DUSP8: variants seen among roughly 807,000 people sequenced by gnomAD.
The protein encoded by DUSP8 is dual specificity protein phosphatase 8.
DUSP8 carries 15 observed loss-of-function variants against 38.7 expected under a neutral mutation model. The observed-to-expected ratio is 0.39, with a 90% CI of 0.26 to 0.60. The LOEUF (loss-of-function observed/expected upper bound fraction) is 0.60. DUSP8 is among the 20% of genes least tolerant of loss of function. The pLI is 0.56. For synonymous variants in DUSP8, 458 were observed against 433.9 expected (o/e 1.06, Z -0.69); for missense variants, 768 against 915.0 (o/e 0.84, Z 2.07).
chr11:1,554,827 T>G lies in DUSP8; in HGVS notation c.*1691A>C, dbSNP rs148749783. The G allele has an allele frequency of 1.6e-6, 1 of 617,814 alleles. No homozygotes were observed. The allele number at this position is 617,814 out of a possible 1,614,324, so 38.3% of individuals were successfully genotyped here. A position where few individuals can be genotyped will look rare whatever the true frequency, so the allele number is the denominator to read the frequency against. On this transcript the variant is annotated 3_prime_UTR_variant, in exon 7 of 7. Transcript: ENST00000397374. ...TAATTAACCAATAATAATAAATACT[T>G]AAACCTCTAATCCATAGATTGCAAA...
chr11:1,557,916 A>G lies in DUSP8; in HGVS notation c.699T>C (p.Asp233=). 1.2e-6 allele frequency: 2 copies of G among 1,613,844 alleles called. No homozygotes were observed. Among genetic ancestry groups the G allele is most frequent in the Non-Finnish European group, 1.7e-6 (2 of 1,179,998 alleles). Residue 233 remains aspartate, a splice_region_variant and synonymous_variant, in exon 6 of 7, where the codon GAT becomes GAC. Coordinates refer to ENST00000397374, the MANE Select transcript of DUSP8 (RefSeq NM_004420.3). The surrounding 1 kb of genome is among the most constrained non-coding windows in gnomAD (Gnocchi z 9.9). ...PWLDKSIEFI[D]KAKLSSCQVI... ...CTTGGCAGCTGGAGAGCTTGGCTTT[A>G]TCTGGGCAGGTGGGCCATGGGGGCC...
In DUSP8 at chr11:1,557,754, A is replaced by G. The variant is rs776448506; in HGVS notation, c.821+40T>C. On this transcript the variant is annotated intron_variant, in intron 6 of 6. Coordinates refer to ENST00000397374, the MANE Select transcript of DUSP8 (RefSeq NM_004420.3). The surrounding 1 kb of genome is among the most constrained non-coding windows in gnomAD (Gnocchi z 9.9). Reference sequence around the variant, plus strand: ...GTGGGCAGCCGGGGGAAGGGAAGCGACGCTGTGAGCCACAAGTGCGCGACT... The same window carrying G: ...GTGGGCAGCCGGGGGAAGGGAAGCGGCGCTGTGAGCCACAAGTGCGCGACT... The G allele has an allele frequency of 6.2e-7, 1 of 1,610,844 alleles. No homozygotes were observed. The highest frequency in any genetic ancestry group is 1.1e-5 in the South Asian group (1 of 90,918).
In DUSP8 at chr11:1,567,794, C is replaced by T. The variant is rs531394027; in HGVS notation, c.-108-1860G>A. Among the ~76,000 whole-genome samples the T allele has an allele frequency of 7.2e-5, 11 of 152,306 alleles. No individual in the cohort carries two copies. The South Asian group carries it at 1.2e-3, about 17-fold the overall frequency. On this transcript the variant is annotated intron_variant, in intron 1 of 6. Coordinates refer to ENST00000397374, the MANE Select transcript of DUSP8 (RefSeq NM_004420.3). ...CCAGCCTCCACCACAGGGTGGGGAA[C>T]GAGGCCTGGGAGTCCTCTCCAGGGC... is the stretch of plus-strand genomic sequence containing the variant.
chr11:1,563,366 A>T (rs1848751905), intron 3 of DUSP8, among the ~76,000 whole-genome samples: 1 of 152,130 alleles, frequency 6.6e-6, no homozygotes, highest in Non-Finnish European at 1.5e-5. Context: ...CCCTGCCTCC[A>T]GGGCTTGGGG....
In DUSP8 at chr11:1,557,413, G is replaced by C. The variant is rs774637879; in HGVS notation, c.983C>G (p.Pro328Arg). The change falls in exon 7 of 7, where the codon CCG becomes CGG. Residue 328 changes from proline to arginine, a missense_variant. Transcript: ENST00000397374. The surrounding 1 kb of genome is among the most constrained non-coding windows in gnomAD (Gnocchi z 9.9). The part of the protein sequence containing the change: ...EPPPSPAAGA[P>R]LPRLPPPTSE... ...GGTAGGTGGTGGCAGCCGTGGCAGC[G>C]GGGCCCCGGCGGCAGGACTGGGCGG... is the stretch of plus-strand genomic sequence containing the variant. The C allele has an allele frequency of 7.7e-6, 12 of 1,566,166 alleles. No homozygotes were observed. Among genetic ancestry groups the C allele is most frequent in the Non-Finnish European group, 8.6e-6 (10 of 1,168,164 alleles).
intron 3 of DUSP8, chr11:1,559,349 T>A: frequency 3.0e-6 from 1 of 336,854 alleles, no homozygotes; most frequent in South Asian, 6.1e-5. Flanking sequence ...AAAGGTGGCG[T>A]TGAGGTGGCT....
intron 3 of DUSP8, among the ~76,000 whole-genome samples, chr11:1,559,803 G>A (rs139242204): frequency 6.8e-4 from 104 of 152,292 alleles, no homozygotes; most frequent in African/African-American, 2.4e-3. Flanking sequence ...TTCCACACAC[G>A]TCCAAGTCCG....
chr11:1,556,428 G>C lies in DUSP8; in HGVS notation c.*90C>G. On this transcript the variant is annotated 3_prime_UTR_variant, in exon 7 of 7. Transcript: ENST00000397374. The surrounding 1 kb of genome is among the most constrained non-coding windows in gnomAD (Gnocchi z 5.2). Reference sequence around the variant, plus strand: ...TATTTACTTCTCGATAAAAATCCCAGTAAAACCATTTACCTTTCTTTGCAT... The same window carrying C: ...TATTTACTTCTCGATAAAAATCCCACTAAAACCATTTACCTTTCTTTGCAT... 1 of 1,227,518 alleles carries C rather than the reference G, an allele frequency of 8.1e-7. No individual in the cohort carries two copies. The allele number at this position is 1,227,518 out of a possible 1,614,324, so 76.0% of individuals were successfully genotyped here. A position where few individuals can be genotyped will look rare whatever the true frequency, so the allele number is the denominator to read the frequency against.
rs531386149 is a variant in DUSP8 at position 1,554,715 on chromosome 11, G to A, written c.*1803C>T. On this transcript the variant is annotated 3_prime_UTR_variant, in exon 7 of 7. Transcript: ENST00000397374. ...AGCACAGGGGTGGGGGGCGAGAAGC[G>A]GGAAGCCAGTGCATCCTCCTCACCC... 33 of 698,026 alleles carry A rather than the reference G, an allele frequency of 4.7e-5. No individual in the cohort carries two copies. Among genetic ancestry groups the A allele is most frequent in the Non-Finnish European group, 5.7e-5 (32 of 565,542 alleles). 43.2% of individuals were successfully genotyped at this position (698,026 alleles called of 1,614,324 possible). A position where few individuals can be genotyped will look rare whatever the true frequency, so the allele number is the denominator to read the frequency against.
Position 1,554,601 on chromosome 11 carries a change from C to A in DUSP8, c.*1917G>T. ...AGCAGAGACAGACTGAGACAGACAG[C>A]CCCCCTCAACGGCCTGCAGAAGGGA... On this transcript the variant is annotated 3_prime_UTR_variant, in exon 7 of 7. Coordinates refer to ENST00000397374, the MANE Select transcript of DUSP8 (RefSeq NM_004420.3). 1 of 983,028 alleles carries A rather than the reference C, an allele frequency of 1.0e-6. No individual in the cohort carries two copies. 60.9% of individuals were successfully genotyped at this position (983,028 alleles called of 1,614,324 possible).
rs372762042 is a variant in DUSP8, at chr11:1,558,281, C to T, written c.538-10G>A. On this transcript the variant is annotated splice_polypyrimidine_tract_variant and intron_variant, in intron 4 of 6. Transcript: ENST00000397374. This position sits in a 1 kb window ranked among gnomAD's most constrained non-coding sequence, Gnocchi z 6.3. Reference sequence around the variant, plus strand: ...TTTGCGTCATCAGATCCTGGAGGGGCGGGAGGGCGGGTTGGAAAGGGGTGG... The same window carrying T: ...TTTGCGTCATCAGATCCTGGAGGGGTGGGAGGGCGGGTTGGAAAGGGGTGG... The T allele has an allele frequency of 1.6e-3, 65 of 40,726 alleles. No homozygotes were observed. The highest frequency in any genetic ancestry group is 7.3e-3 in the East Asian group (12 of 1,638). The allele number at this position is 40,726 out of a possible 1,614,324, so 2.5% of individuals were successfully genotyped here. A position where few individuals can be genotyped will look rare whatever the true frequency, so the allele number is the denominator to read the frequency against.
rs61869692 is a variant in DUSP8, at chr11:1,565,950, G to T, written c.-108-16C>A. On this transcript the variant is annotated splice_polypyrimidine_tract_variant and intron_variant, in intron 1 of 6. Transcript: ENST00000397374. ...GGTGCTGGACCTGCAGGGACAGGGGGATGGTCAGCAGTGCTGCGGGCCCCT... is the reference window on the plus strand; with the variant it reads ...GGTGCTGGACCTGCAGGGACAGGGGTATGGTCAGCAGTGCTGCGGGCCCCT... 4.8e-6 allele frequency: 4 copies of T among 835,220 alleles called. No individual in the cohort carries two copies. Among genetic ancestry groups the T allele is most frequent in the Admixed American group, 2.2e-5 (1 of 45,702 alleles). The allele number at this position is 835,220 out of a possible 1,614,324, so 51.7% of individuals were successfully genotyped here.
chr11:1,569,014 G>T (rs1848848595), intron 1 of DUSP8, among the ~76,000 whole-genome samples: 1 of 152,192 alleles, frequency 6.6e-6, no homozygotes, highest in Non-Finnish European at 1.5e-5. Context: ...GGACAGTCTG[G>T]TGCAGATCAG....
chr11:1,566,537 G>A (rs1848807320), intron 1 of DUSP8, among the ~76,000 whole-genome samples: 2 of 152,178 alleles, frequency 1.3e-5, no homozygotes, highest in Non-Finnish European at 2.9e-5. Context: ...CGGATAGCAG[G>A]CGGGTGCGGG....
chr11:1,559,358 C>G, intron 3 of DUSP8: 1 of 327,884 alleles, frequency 3.0e-6, no homozygotes, highest in Non-Finnish European at 5.6e-6. Flanking sequence ...GTTGAGGTGG[C>G]TGGCCATCAC....
Position 1,558,145 on chromosome 11 carries a change from G to A in DUSP8, c.664C>T (p.Leu222=). The part of the protein sequence containing the change: ...PINDNYCEKL[L]PWLDKSIEFI... Reference sequence around the variant, plus strand: ...TCGATGGACTTGTCCAGCCAGGGCAGCAGTTTTTCACAGTAGTTGTCGTTG... The same window carrying A: ...TCGATGGACTTGTCCAGCCAGGGCAACAGTTTTTCACAGTAGTTGTCGTTG... Residue 222 remains leucine (L), a synonymous_variant, in exon 5 of 7, where the codon CTG becomes TTG. Coordinates refer to ENST00000397374, the MANE Select transcript of DUSP8 (RefSeq NM_004420.3). The surrounding 1 kb of genome is among the most constrained non-coding windows in gnomAD (Gnocchi z 6.3). 2 of 1,611,966 alleles carry A rather than the reference G, an allele frequency of 1.2e-6. No individual in the cohort carries two copies. The highest frequency in any genetic ancestry group is 1.7e-6 in the Non-Finnish European group (2 of 1,179,844).
Position 1,557,229 on chromosome 11 carries a change from G to A in DUSP8, c.1167C>T (p.Arg389=), listed in dbSNP as rs1435322568. 5.3e-6 allele frequency: 8 copies of A among 1,497,306 alleles called. No homozygotes were observed. The highest frequency in any genetic ancestry group is 4.7e-4 in the Middle Eastern group (2 of 4,224). The allele number at this position is 1,497,306 out of a possible 1,614,324, so 92.8% of individuals were successfully genotyped here. ...LSSDRLQDTN[R]LKRSFSLDIK... ...TGTCCAGGGAGAAGGAGCGCTTGAG[G>A]CGGTTAGTGTCCTGCAGGCGGTCCG... The change falls in exon 7 of 7, where the codon CGC becomes CGT. Residue 389 remains arginine, a synonymous_variant. Transcript: ENST00000397374. This position sits in a 1 kb window ranked among gnomAD's most constrained non-coding sequence, Gnocchi z 9.9.
intron 2 of DUSP8, among the ~76,000 whole-genome samples, chr11:1,564,190 C>T (rs1848766306): frequency 6.6e-6 from 1 of 152,248 alleles, no homozygotes; most frequent in African/African-American, 2.4e-5. Context: ...CACACACCCA[C>T]ACCACACAGC....
chr11:1,566,131 G>A (rs144647074), intron 1 of DUSP8, among the ~76,000 whole-genome samples, 197 bp from the exon 2 acceptor site: 1 of 152,238 alleles, frequency 6.6e-6, no homozygotes, highest in African/African-American at 2.4e-5. Flanking sequence ...GGCAGAGGGG[G>A]GCAAATGGGC....
Sources: allele counts gnomAD v4.1 joint callset (sites outside exome capture counted in the v4.1 genomes callset), GRCh38; gene constraint gnomAD v4.1.1; non-coding constraint Gnocchi (gnomAD v3.1); transcripts MANE v1.5; gene names NCBI Gene and HGNC (gene_info 2026-07-23, HGNC 2026-07-21).